The following IL1RL2 variants were observed in gnomAD, a reference collection of about 807,000 sequenced individuals.
IL1RL2 encodes interleukin-1 receptor-like 2.
A neutral mutation model predicts 66.8 loss-of-function variants in IL1RL2; 68 were observed. The observed-to-expected ratio is 1.02, with a 90% CI of 0.84 to 1.25. IL1RL2 has a LOEUF of 1.25. IL1RL2 is among the 50% of genes most tolerant of loss of function. The pLI is 0.00. For missense variants in IL1RL2, 729 were observed against 709.3 expected, an observed-to-expected ratio of 1.03 and a Z score of -0.32; for synonymous variants, 305 against 264.6, an observed-to-expected ratio of 1.15 and a Z score of -1.48.
At chr2:102,187,441 A>G in intron 1 of IL1RL2, 1 of 1,032,314 alleles carries the variant, frequency 9.7e-7, no homozygotes, top group Non-Finnish European at 1.2e-6. Flanking sequence ...CGCGCAGGGG[A>G]GGCTCCGTGC....
At position 102,191,334 on chromosome 2, in the gene IL1RL2, A is replaced by G. The variant is rs74523567; in HGVS notation, c.294-591A>G. ...ATAGTTATCAAATTCAGGAAACTTAAACATCATATAATACCTTAATCTATA... is the reference window on the plus strand; with the variant it reads ...ATAGTTATCAAATTCAGGAAACTTAGACATCATATAATACCTTAATCTATA... On this transcript the variant is annotated intron_variant, in intron 3 of 11. Transcript: ENST00000264257. Among the ~76,000 whole-genome samples, 718 of 152,326 alleles carry G rather than the reference A, an allele frequency of 4.7e-3. 9 individuals are homozygous for G. The highest frequency in any genetic ancestry group is 0.016 in the African/African-American group (679 of 41,570).
chr2:102,195,336 C>A (rs1578098178), intron 4 of IL1RL2, among the ~76,000 whole-genome samples: 1 of 152,186 alleles, frequency 6.6e-6, no homozygotes, highest in East Asian at 1.9e-4. Context: ...GTAAAAAGAC[C>A]TTTTTTCCTA....
rs1559530278 is a variant in IL1RL2, at chr2:102,195,629, C to CCTTCTT, written c.489+3509_489+3510insCTTCTT. ...TCTTTCTTTCTTTCTTTCTTTCTTT[C>CCTTCTT]TCTCTCTCTCTCTCTCTCTTTCTTT... On this transcript the variant is annotated intron_variant, in intron 4 of 11. Coordinates refer to ENST00000264257, the MANE Select transcript of IL1RL2 (RefSeq NM_003854.4). 2.6e-3 allele frequency among the ~76,000 whole-genome samples: 45 copies of CCTTCTT among 17,348 alleles called. 2 individuals are homozygous for CCTTCTT. The highest frequency in any genetic ancestry group is 5.1e-3 in the African/African-American group (40 of 7,910). 11.4% of individuals were successfully genotyped at this position (17,348 alleles called of 152,430 possible). A position where few individuals can be genotyped will look rare whatever the true frequency, so the allele number is the denominator to read the frequency against.
At chr2:102,220,679 A>ATG (rs3074966) in intron 8 of IL1RL2, among the ~76,000 whole-genome samples, 23,362 of 150,350 alleles carry the variant, frequency 0.16, 1,923 homozygotes, top group African/African-American at 0.2. Flanking sequence ...TCATTAGTGT[A>ATG]TGTGTGTGTG....
chr2:102,188,789 A>C (rs1297633192), intron 2 of IL1RL2, among the ~76,000 whole-genome samples: 1 of 152,092 alleles, frequency 6.6e-6, no homozygotes, highest in Non-Finnish European at 1.5e-5. Context: ...TGTGGATGAA[A>C]AGAACTAAGG....
chr2:102,240,319 C>T (rs1675192821), downstream of IL1RL2, among the ~76,000 whole-genome samples: 1 of 149,986 alleles, frequency 6.7e-6, no homozygotes, highest in Non-Finnish European at 1.5e-5. Context: ...GTCCTCTCAT[C>T]CTCTCTGATG....
intron 4 of IL1RL2, among the ~76,000 whole-genome samples, chr2:102,198,310 C>A (rs920380875): frequency 6.6e-6 from 1 of 152,140 alleles, no homozygotes; most frequent in Non-Finnish European, 1.5e-5. Flanking sequence ...TGGCTTACGT[C>A]TGGGAGAATT....
At position 102,239,938 on chromosome 2, in the gene IL1RL2, A is replaced by G. The variant is rs1276220040; in HGVS notation, c.*697A>G. 2.0e-5 allele frequency: 3 copies of G among 152,394 alleles called. No homozygotes were observed. The East Asian group carries it at 5.8e-4, about 29-fold the overall frequency. The allele number at this position is 152,394 out of a possible 1,614,324, so 9.4% of individuals were successfully genotyped here. A position where few individuals can be genotyped will look rare whatever the true frequency, so the allele number is the denominator to read the frequency against. ...CTGTTTTTCCACAATGAACAATTAA[A>G]CTGTAAATGTTAAAAATATCAGTAA... On this transcript the variant is annotated 3_prime_UTR_variant, in exon 12 of 12. Coordinates refer to ENST00000264257, the MANE Select transcript of IL1RL2 (RefSeq NM_003854.4).
intron 5 of IL1RL2, among the ~76,000 whole-genome samples, chr2:102,207,528 ATGT>A (rs1478693084): frequency 6.6e-6 from 1 of 152,022 alleles, no homozygotes; most frequent in Non-Finnish European, 1.5e-5. Context: ...ATGTCTGTAA[ATGT>A]TATCTGGGAG....
intron 9 of IL1RL2, among the ~76,000 whole-genome samples, chr2:102,232,178 C>G (rs1230593835): frequency 1.3e-5 from 2 of 149,190 alleles, no homozygotes; most frequent in Non-Finnish European, 3.0e-5. Flanking sequence ...ATGGTGTGAT[C>G]TCGGCTCACT....
At chr2:102,221,891 T>C (rs954836213) in intron 8 of IL1RL2, among the ~76,000 whole-genome samples, 1 of 152,210 alleles carries the variant, frequency 6.6e-6, no homozygotes, top group Non-Finnish European at 1.5e-5. Context: ...TATGCACATA[T>C]ATGGTAAAGG....
intron 4 of IL1RL2, among the ~76,000 whole-genome samples, chr2:102,194,086 A>G (rs756881111): frequency 2.0e-5 from 3 of 152,220 alleles, no homozygotes; most frequent in Non-Finnish European, 2.9e-5. Flanking sequence ...GAAAGAAAAC[A>G]TTACTAGCAC....
intron 10 of IL1RL2, among the ~76,000 whole-genome samples, chr2:102,233,522 G>A (rs1382983093): frequency 6.6e-6 from 1 of 152,192 alleles, no homozygotes; most frequent in African/African-American, 2.4e-5. Flanking sequence ...TTTGAACAAT[G>A]TAAATCAGGT....
chr2:102,225,913 C>A lies in IL1RL2; in HGVS notation c.1007C>A (p.Ala336Asp). The A allele has an allele frequency of 6.3e-7, 1 of 1,580,238 alleles. No individual in the cohort carries two copies. The highest frequency in any genetic ancestry group is 1.8e-5 in the Admixed American group (1 of 55,212). Reference protein sequence around the residue: ...ILQLPAPDFRAYLIGGLIALV... With the variant: ...ILQLPAPDFRDYLIGGLIALV... ...TCATTTGTAGCTCCGGATTTTCGAG[C>A]TTACTTGATAGGAGGGCTTATCGCC... Residue 336 changes from alanine to aspartate, a missense_variant, in exon 9 of 12, where the codon GCT becomes GAT. By Grantham distance (126) the Ala-to-Asp change is moderately radical. Transcript: ENST00000264257.
chr2:102,226,689 A>C (rs113497992), intron 9 of IL1RL2, among the ~76,000 whole-genome samples: 107 of 152,052 alleles, frequency 7.0e-4, no homozygotes, highest in African/African-American at 2.5e-3. Flanking sequence ...AGGAAAGGAG[A>C]GAGGGAGGGA....
intron 3 of IL1RL2, among the ~76,000 whole-genome samples, chr2:102,190,028 G>T (rs35433412): frequency 1.3e-5 from 2 of 152,156 alleles, no homozygotes; most frequent in East Asian, 3.8e-4. Flanking sequence ...TCCTATGAGC[G>T]CTTTTCACGA....
At chr2:102,197,914 C>T (rs1208098942) in intron 4 of IL1RL2, among the ~76,000 whole-genome samples, 1 of 152,182 alleles carries the variant, frequency 6.6e-6, no homozygotes, top group Non-Finnish European at 1.5e-5. Context: ...GTAGAGGTAG[C>T]GGCTCTCAGG....
intron 8 of IL1RL2, 127 bp downstream of exon 8, chr2:102,220,144 A>T: frequency 3.8e-6 from 3 of 785,440 alleles, no homozygotes; most frequent in Non-Finnish European, 3.6e-6. Flanking sequence ...GGACAAACTC[A>T]GTATGAAATC....
At chr2:102,214,913 C>A (rs538414192) in intron 6 of IL1RL2, among the ~76,000 whole-genome samples, 3 of 152,120 alleles carry the variant, frequency 2.0e-5, no homozygotes, top group Non-Finnish European at 4.4e-5. Context: ...TGAAGGAGGG[C>A]GCTGGAGTGC....
Sources: allele counts gnomAD v4.1 joint callset (sites outside exome capture counted in the v4.1 genomes callset), GRCh38; gene constraint gnomAD v4.1.1; transcripts MANE v1.5; gene names NCBI Gene and HGNC (gene_info 2026-07-23, HGNC 2026-07-21).